Variants in TMEM156 observed in about 807,000 individuals in gnomAD.
The protein encoded by TMEM156 is transmembrane protein 156.
Under a neutral mutation model 30.5 loss-of-function variants are expected in TMEM156, and 28 were observed. The ratio of observed to expected loss-of-function variants is 0.92; its 90% confidence interval spans 0.68 to 1.26. The LOEUF (loss-of-function observed/expected upper bound fraction) is 1.26, where lower values mean the gene tolerates loss of function less well. Among genes scored for constraint, TMEM156 ranks in the 50% most tolerant of loss-of-function variants. The pLI is 0.00. For synonymous variants in TMEM156, 137 were observed against 119.9 expected (o/e 1.14, Z -0.93); for missense variants, 351 against 340.6 (o/e 1.03, Z -0.24).
chr4:39,013,266 A>C (rs1248545547), intron 1 of TMEM156, among the ~76,000 whole-genome samples: 5 of 148,530 alleles, frequency 3.4e-5, no homozygotes, highest in Non-Finnish European at 7.4e-5. Flanking sequence ...TTACCACTGC[A>C]CTCGGCACTC....
At chr4:39,009,902 A>G (rs1371434280) in intron 1 of TMEM156, among the ~76,000 whole-genome samples, 3 of 152,188 alleles carry the variant, frequency 2.0e-5, no homozygotes, top group African/African-American at 7.2e-5. Context: ...AGCCAGGGCA[A>G]TCAAGCAAGA....
rs1431215297 is a variant in TMEM156, at chr4:38,990,877, A to T, written c.620-1907T>A. On this transcript the variant is annotated intron_variant, in intron 3 of 6. Coordinates refer to ENST00000381938, the MANE Select transcript of TMEM156 (RefSeq NM_024943.3). ...TTGAGAGGGAGTCTCACTGTCACCC[A>T]GGCTGGAGTGCGGTGGTGCGATCTC... Among the ~76,000 whole-genome samples the T allele has an allele frequency of 3.7e-5, 4 of 107,772 alleles. No homozygotes were observed. The East Asian group carries it at 8.5e-4, about 23-fold the overall frequency. The allele number at this position is 107,772 out of a possible 152,430, so 70.7% of individuals were successfully genotyped here.
intron 4 of TMEM156, 112 bp from the exon 5 acceptor site, chr4:38,986,531 A>G (rs1317865503): frequency 3.8e-6 from 3 of 786,566 alleles, no homozygotes; most frequent in Non-Finnish European, 6.3e-6. Context: ...ATTCATGGCC[A>G]GGCACGGTGG....
intron 1 of TMEM156, among the ~76,000 whole-genome samples, chr4:39,024,496 T>TA (rs1352264752): frequency 3.3e-5 from 5 of 152,114 alleles, no homozygotes; most frequent in Non-Finnish European, 7.4e-5. Flanking sequence ...TATGCAGCCA[T>TA]AAAAAAGAAA....
In TMEM156 at chr4:38,986,378, C is replaced by A. The variant is rs141184335; in HGVS notation, c.781G>T (p.Asp261Tyr). The stretch of plus-strand genomic sequence containing the variant: ...TTCAATGCTCTCAGTTTCTCCGAAT[C>A]ACTTCCTCTTAAGAGAACAGATGTA... Reference protein sequence around the residue: ...KPTSVLLRGSDSEKLRALNVQ... With the variant: ...KPTSVLLRGSYSEKLRALNVQ... The change falls in exon 5 of 7, where the codon GAT becomes TAT. Residue 261 changes from aspartate (D) to tyrosine (Y), a missense_variant. Transcript: ENST00000381938. The A allele has an allele frequency of 1.9e-6, 3 of 1,613,982 alleles. No individual in the cohort carries two copies. The highest frequency in any genetic ancestry group is 1.7e-6 in the Non-Finnish European group (2 of 1,179,912).
chr4:38,980,952 G>A (rs924381230), intron 5 of TMEM156: 124 of 985,188 alleles, frequency 1.3e-4, no homozygotes, highest in Middle Eastern at 5.2e-4. Flanking sequence ...GGAATAAATC[G>A]TCCTATTCCG....
At chr4:38,992,955 G>A (rs776899536) in intron 3 of TMEM156, among the ~76,000 whole-genome samples, 1 of 150,324 alleles carries the variant, frequency 6.7e-6, no homozygotes, top group Non-Finnish European at 1.5e-5. Flanking sequence ...TAGAGACGGG[G>A]TTTCACTGTG....
chr4:39,001,620 T>C (rs1713370471), intron 1 of TMEM156, among the ~76,000 whole-genome samples: 1 of 151,200 alleles, frequency 6.6e-6, no homozygotes, highest in Non-Finnish European at 1.5e-5. Flanking sequence ...TCACACTACC[T>C]GACTTCAAAC....
rs2109970018 is a variant in TMEM156 at position 38,997,034 on chromosome 4, G to T, written c.358+1606C>A. On this transcript the variant is annotated intron_variant, in intron 2 of 6. Transcript: ENST00000381938. ...AAATTTATTTAATAAAATTATTGCT[G>T]TTTAAAACCATTGAGTTTTGGGGGT... Among the ~76,000 whole-genome samples the T allele has an allele frequency of 2.0e-5, 3 of 152,292 alleles. No individual in the cohort carries two copies. The Middle Eastern group carries it at 0.01, about 518-fold the overall frequency.
chr4:38,977,111 G>T (rs1004263380), intron 5 of TMEM156, among the ~76,000 whole-genome samples: 2 of 150,798 alleles, frequency 1.3e-5, no homozygotes, highest in African/African-American at 5.0e-5. Context: ...CACCATGTTG[G>T]CCAGGCTGGT....
intron 1 of TMEM156, among the ~76,000 whole-genome samples, chr4:39,014,876 T>C (rs1714376949): frequency 6.6e-6 from 1 of 152,118 alleles, no homozygotes; most frequent in African/African-American, 2.4e-5. Flanking sequence ...TTACATAAAA[T>C]TACATTTATC....
chr4:39,006,591 T>C (rs979443361), intron 1 of TMEM156, among the ~76,000 whole-genome samples: 1 of 152,094 alleles, frequency 6.6e-6, no homozygotes, highest in Non-Finnish European at 1.5e-5. Context: ...AAAAGTTGTT[T>C]TTAAAGTTTC....
chr4:38,969,247 T>G (rs1393155707), intron 6 of TMEM156, among the ~76,000 whole-genome samples: 3 of 152,220 alleles, frequency 2.0e-5, no homozygotes, highest in Non-Finnish European at 4.4e-5. Context: ...ACAACTTACC[T>G]TTCCCAGTCT....
intron 4 of TMEM156, among the ~76,000 whole-genome samples, chr4:38,986,827 AAAAAAAAAAAAAAAAAAAAAAAAAG>A (rs1378934000): frequency 2.2e-5 from 3 of 133,366 alleles, no homozygotes; most frequent in Non-Finnish European, 1.6e-5. Context: ...AAAAAAAAAA[AAAAAAAAAAAAAAAAAAAAAAAAAG>A]GAAAGCGACA....
Position 38,998,700 on chromosome 4 carries a change from A to G in TMEM156, c.298T>C (p.Cys100Arg), listed in dbSNP as rs1413172395. 6.2e-7 allele frequency: 1 copy of G among 1,613,732 alleles called. No homozygotes were observed. Among genetic ancestry groups the G allele is most frequent in the East Asian group, 2.2e-5 (1 of 44,796 alleles). ...ITGEFKMCSS[C>R]LVCESKGNMD... ...TTTCCTTTAGACTCACAAACCAAAC[A>G]CGAGGAGCACATTTTAAATTCACCT... Residue 100 changes from cysteine (C) to arginine (R), a missense_variant, in exon 2 of 7, where the codon TGT (cysteine) becomes CGT (arginine). Transcript: ENST00000381938.
At chr4:39,029,871 T>TTTA (rs2110077018) in intron 1 of TMEM156, among the ~76,000 whole-genome samples, 1 of 151,972 alleles carries the variant, frequency 6.6e-6, no homozygotes, top group East Asian at 1.9e-4. Context: ...AATAATGGTT[T>TTTA]TTATTATTAT....
chr4:39,029,470 T>TAAAAACCAAGAAAA lies in TMEM156; in HGVS notation c.88+2755_88+2756insTTTTCTTGGTTTTT, dbSNP rs376272164. On this transcript the variant is annotated intron_variant, in intron 1 of 6. Coordinates refer to ENST00000381938, the MANE Select transcript of TMEM156 (RefSeq NM_024943.3). ...ATTATTGTGATTAAGAACTAATTTT[T>TAAAAACCAAGAAAA]TTGGGAGGCCGAGGCGGGCGGATCA... 2.1e-3 allele frequency among the ~76,000 whole-genome samples: 191 copies of TAAAAACCAAGAAAA among 90,832 alleles called. 16 individuals are homozygous for TAAAAACCAAGAAAA. The highest frequency in any genetic ancestry group is 2.5e-3 in the Non-Finnish European group (110 of 44,606). The allele number at this position is 90,832 out of a possible 152,430, so 59.6% of individuals were successfully genotyped here. A position where few individuals can be genotyped will look rare whatever the true frequency, so the allele number is the denominator to read the frequency against.
In TMEM156 at chr4:38,986,374, G is replaced by T. The variant is rs775228693; in HGVS notation, c.785C>A (p.Ser262Ter). The change falls in exon 5 of 7, where the codon TCG (serine) becomes TAG (stop). Residue 262 changes from serine (S) to a stop codon, truncating the protein, a stop_gained. Coordinates refer to ENST00000381938, the MANE Select transcript of TMEM156 (RefSeq NM_024943.3). LOFTEE classifies it high-confidence loss of function. ...PTSVLLRGSD[S>*]EKLRALNVQV... ...CACATTCAATGCTCTCAGTTTCTCC[G>T]AATCACTTCCTCTTAAGAGAACAGA... The T allele has an allele frequency of 1.9e-6, 3 of 1,613,810 alleles. No individual in the cohort carries two copies. In the Admixed American group the frequency reaches 5.0e-5, roughly 27 times the overall value.
At chr4:39,010,148 CA>C (rs1050787361) in intron 1 of TMEM156, among the ~76,000 whole-genome samples, 2 of 151,868 alleles carry the variant, frequency 1.3e-5, no homozygotes, top group East Asian at 1.9e-4. Context: ...AAAATAACCA[CA>C]AAAAAACATG....
Sources: allele counts gnomAD v4.1 joint callset (sites outside exome capture counted in the v4.1 genomes callset), GRCh38; gene constraint gnomAD v4.1.1; transcripts MANE v1.5; gene names NCBI Gene and HGNC (gene_info 2026-07-23, HGNC 2026-07-21).